LIPA: variants seen among roughly 807,000 people sequenced by gnomAD.
LIPA encodes lipase A, lysosomal acid type.
LIPA carries 26 observed loss-of-function variants against 40.6 expected under a neutral mutation model. That is an observed-to-expected ratio of 0.64 (90% CI 0.47 to 0.89). The LOEUF is 0.89. Ranked by LOEUF, LIPA falls within the 40% of genes least tolerant of loss-of-function variation. The pLI is 0.00. For synonymous variants in LIPA, 188 were observed against 168.4 expected (o/e 1.12, Z -0.90); for missense variants, 455 against 479.6 (o/e 0.95, Z 0.48).
intron 1 of LIPA, among the ~76,000 whole-genome samples, chr10:89,325,921 C>A: frequency 6.6e-6 from 1 of 151,884 alleles, no homozygotes; most frequent in South Asian, 2.1e-4. Flanking sequence ...TGCTTTTATC[C>A]AAAAGACAGG....
intron 1 of LIPA, chr10:89,302,076 G>C (rs12269596): frequency 1.1e-4 from 183 of 1,612,832 alleles, no homozygotes; most frequent in African/African-American, 7.6e-4. Flanking sequence ...GAAGAGTGCA[G>C]CTGCCTGAAC....
At chr10:89,339,940 G>A in intron 1 of LIPA, 1 of 1,614,168 alleles carries the variant, frequency 6.2e-7, no homozygotes, top group Non-Finnish European at 8.5e-7. Flanking sequence ...TAAGCAGAAT[G>A]GAGATCTGCT....
At chr10:89,266,695 C>T (rs1348731546) in intron 1 of LIPA, among the ~76,000 whole-genome samples, 1 of 152,194 alleles carries the variant, frequency 6.6e-6, no homozygotes, top group African/African-American at 2.4e-5. Context: ...ATGTTTTACT[C>T]ATGTCTGACT....
At chr10:89,346,033 C>T (rs142613187), upstream of LIPA, among the ~76,000 whole-genome samples, 3 of 151,980 alleles carry the variant, frequency 2.0e-5, no homozygotes, top group Admixed American at 6.6e-5. Flanking sequence ...ATTTTTAAAA[C>T]GACAAAAAAC....
chr10:89,339,080 A>G (rs1843800282), intron 1 of LIPA: 2 of 1,613,964 alleles, frequency 1.2e-6, no homozygotes, highest in Non-Finnish European at 1.7e-6. Flanking sequence ...GACTGTGAGG[A>G]AGGGTGGACA....
chr10:89,387,330 A>T (rs1275266840), intron 2 of LIPA, among the ~76,000 whole-genome samples: 1 of 151,936 alleles, frequency 6.6e-6, no homozygotes, highest in Non-Finnish European at 1.5e-5. Context: ...AAAAAAAAAA[A>T]AAAAAATCTA....
At chr10:89,269,569 G>T (rs1206252695) in intron 1 of LIPA, among the ~76,000 whole-genome samples, 1 of 152,022 alleles carries the variant, frequency 6.6e-6, no homozygotes, top group Non-Finnish European at 1.5e-5. Context: ...TTTCTCTGAA[G>T]TCAACCATAT....
At chr10:89,405,361 G>A (rs1305440395) in intron 2 of LIPA, 1 of 152,128 alleles carries the variant, frequency 6.6e-6, no homozygotes, top group Admixed American at 6.5e-5. Context: ...TTATTGAAAG[G>A]CAAGGCACAA....
At chr10:89,282,612 C>A (rs1274291864) in intron 1 of LIPA, among the ~76,000 whole-genome samples, 1 of 152,066 alleles carries the variant, frequency 6.6e-6, no homozygotes, top group African/African-American at 2.4e-5. Flanking sequence ...TGCACTCCAG[C>A]CTGGGTAACA....
chr10:89,315,996 C>T (rs561862300), intron 1 of LIPA, among the ~76,000 whole-genome samples: 2 of 152,274 alleles, frequency 1.3e-5, no homozygotes, highest in East Asian at 3.9e-4. Flanking sequence ...ACTAAAACTA[C>T]TATTTTTTTT....
At chr10:89,371,725 C>T (rs1350284747) in intron 2 of LIPA, among the ~76,000 whole-genome samples, 1 of 152,140 alleles carries the variant, frequency 6.6e-6, no homozygotes, top group Non-Finnish European at 1.5e-5. Context: ...TTGTAAAGAT[C>T]GCCTACCATC....
At chr10:89,303,823 A>T (rs1288687040) in intron 1 of LIPA, among the ~76,000 whole-genome samples, 1 of 152,208 alleles carries the variant, frequency 6.6e-6, no homozygotes, top group Non-Finnish European at 1.5e-5. Context: ...ATTGAGAGGG[A>T]GCAAGGAAGC....
intron 1 of LIPA, among the ~76,000 whole-genome samples, chr10:89,300,667 A>G (rs1843439895): frequency 6.6e-6 from 1 of 152,228 alleles, no homozygotes; most frequent in Non-Finnish European, 1.5e-5. Context: ...GTCAGAGGAG[A>G]TAAAGTTCTG....
intron 1 of LIPA, among the ~76,000 whole-genome samples, chr10:89,271,022 C>A (rs1037408045): frequency 6.6e-6 from 1 of 152,188 alleles, no homozygotes; most frequent in African/African-American, 2.4e-5. Flanking sequence ...CAGCAGTATT[C>A]CATCACATGG....
At chr10:89,280,406 GT>G (rs1270885840) in intron 1 of LIPA, among the ~76,000 whole-genome samples, 1 of 152,180 alleles carries the variant, frequency 6.6e-6, no homozygotes, top group Non-Finnish European at 1.5e-5. Context: ...CAGGGGAGGG[GT>G]CTCCTGGGTA....
intron 1 of LIPA, 21 bp from the exon 2 acceptor site, chr10:89,247,670 T>C (rs1254675743): frequency 1.3e-6 from 2 of 1,511,956 alleles, no homozygotes; most frequent in Non-Finnish European, 9.2e-7. Flanking sequence ...AAACAGTCTA[T>C]TATTATTTGC....
intron 1 of LIPA, among the ~76,000 whole-genome samples, chr10:89,279,931 C>A (rs780410707): frequency 2.6e-5 from 4 of 152,098 alleles, no homozygotes; most frequent in African/African-American, 9.7e-5. Flanking sequence ...AAAACCCACA[C>A]AATTGTACAA....
intron 3 of LIPA, among the ~76,000 whole-genome samples, chr10:89,234,987 C>T (rs1157832211): frequency 6.6e-6 from 1 of 152,238 alleles, no homozygotes; most frequent in Non-Finnish European, 1.5e-5. Flanking sequence ...CCAGGTGTGT[C>T]TGACACCACA....
At chr10:89,383,995 C>T (rs767590809) in intron 2 of LIPA, 2 of 1,614,072 alleles carry the variant, frequency 1.2e-6, no homozygotes, top group Non-Finnish European at 1.7e-6. Context: ...CCTGAAGCTT[C>T]AGGATGAAGG....
Sources: allele counts gnomAD v4.1 joint callset (sites outside exome capture counted in the v4.1 genomes callset), GRCh38; gene constraint gnomAD v4.1.1; transcripts MANE v1.5; gene names NCBI Gene and HGNC (gene_info 2026-07-23, HGNC 2026-07-21).